Variants in BEAN1 observed in about 807,000 individuals in gnomAD.
BEAN1 encodes the protein protein BEAN1.
BEAN1 carries 17 observed loss-of-function variants against 17.7 expected under a neutral mutation model. The ratio of observed to expected loss-of-function variants is 0.96; its 90% CI spans 0.66 to 1.44. The LOEUF (loss-of-function observed/expected upper bound fraction) is 1.44. Ranked by LOEUF, BEAN1 falls within the 40% of genes most tolerant of loss-of-function variation. The pLI is 0.00. For missense variants in BEAN1, 359 were observed against 374.1 expected, an observed-to-expected ratio of 0.96 and a Z score of 0.33; for synonymous variants, 142 against 151.8, an observed-to-expected ratio of 0.94 and a Z score of 0.47.
At chr16:66,459,303 C>T (rs1028927537) in intron 2 of BEAN1, among the ~76,000 whole-genome samples, 3 of 152,118 alleles carry the variant, frequency 2.0e-5, no homozygotes, top group African/African-American at 7.2e-5. Flanking sequence ...GGGAAAAGGA[C>T]AATCTCTTTC....
At chr16:66,474,565 GGAGA>G (rs1354289764) in intron 3 of BEAN1, among the ~76,000 whole-genome samples, 187 of 89,316 alleles carry the variant, frequency 2.1e-3, no homozygotes, top group African/African-American at 6.2e-3. Flanking sequence ...AGAGAGGGAG[GGAGA>G]GAGGGAGGGA....
chr16:66,456,381 C>T (rs767677573), intron 2 of BEAN1, among the ~76,000 whole-genome samples: 3 of 152,144 alleles, frequency 2.0e-5, no homozygotes, highest in African/African-American at 4.8e-5. Context: ...ATCCCCTAGC[C>T]GGTAGGTGGG....
chr16:66,482,899 T>A (rs1964029257), downstream of BEAN1: 1 of 456,266 alleles, frequency 2.2e-6, no homozygotes, highest in East Asian at 6.9e-5. Flanking sequence ...CTCAGTCGCC[T>A]ACGCTGGAGT....
At chr16:66,437,070 A>T (rs189871587) in intron 1 of BEAN1, among the ~76,000 whole-genome samples, 1 of 152,034 alleles carries the variant, frequency 6.6e-6, no homozygotes, top group African/African-American at 2.4e-5. Flanking sequence ...TAAAATGGGG[A>T]TGAAAAGAGC....
chr16:66,480,089 C>T (rs1001005451), intron 4 of BEAN1, among the ~76,000 whole-genome samples: 1 of 152,112 alleles, frequency 6.6e-6, no homozygotes, highest in Non-Finnish European at 1.5e-5. Context: ...CCCAGGGGCT[C>T]GAGCAGGGGT....
At chr16:66,495,188 C>T (rs1049060492), downstream of BEAN1, among the ~76,000 whole-genome samples, 2 of 152,210 alleles carry the variant, frequency 1.3e-5, no homozygotes, top group African/African-American at 4.8e-5. Context: ...AGTCCTAAAA[C>T]AGCCCCTACA....
intron 1 of BEAN1, among the ~76,000 whole-genome samples, chr16:66,430,859 C>T (rs965139593): frequency 6.6e-6 from 1 of 152,218 alleles, no homozygotes; most frequent in East Asian, 1.9e-4. Context: ...TAGTACCCAG[C>T]ACTTATTGTG....
At chr16:66,441,814 C>T (rs1962269579) in intron 2 of BEAN1, among the ~76,000 whole-genome samples, 1 of 152,178 alleles carries the variant, frequency 6.6e-6, no homozygotes, top group Admixed American at 6.5e-5. Flanking sequence ...CCATCAGCCC[C>T]TCAGGAGTCC....
intron 2 of BEAN1, among the ~76,000 whole-genome samples, chr16:66,452,365 G>C (rs1962702659): frequency 6.6e-6 from 1 of 152,194 alleles, no homozygotes; most frequent in Non-Finnish European, 1.5e-5. Flanking sequence ...GGAAATGAAG[G>C]AATCTCTGAG....
At chr16:66,464,106 T>C (rs551953736) in intron 2 of BEAN1, among the ~76,000 whole-genome samples, 1 of 152,292 alleles carries the variant, frequency 6.6e-6, no homozygotes, top group South Asian at 2.1e-4. Flanking sequence ...TTAGCTACGT[T>C]TGGTCCTTTG....
exon 5 of BEAN1, chr16:66,493,410 A>G (rs1307638618): frequency 1.6e-6 from 1 of 621,076 alleles, no homozygotes; most frequent in East Asian, 2.7e-5. Context: ...ACAGCCCCCA[A>G]CAGCCTCCCC....
rs1596979142 is a variant in BEAN1, at chr16:66,437,485, A to T, written c.-82-110A>T. The T allele has an allele frequency of 4.6e-6, 3 of 650,114 alleles. No individual in the cohort carries two copies. In the South Asian group the frequency reaches 6.1e-5, roughly 13 times the overall value. 40.3% of individuals were successfully genotyped at this position (650,114 alleles called of 1,614,324 possible). A position where few individuals can be genotyped will look rare whatever the true frequency, so the allele number is the denominator to read the frequency against. On this transcript the variant is annotated intron_variant, in intron 1 of 4. Coordinates refer to ENST00000536005, the MANE Select transcript of BEAN1 (RefSeq NM_001178020.3). ...CTAGGCACGTGCTCTCAAAGAAGTG[A>T]CCATCCTCTCCCGCAGAGGTTGACA...
At chr16:66,437,240 T>C (rs1211551664) in intron 1 of BEAN1, among the ~76,000 whole-genome samples, 4 of 152,116 alleles carry the variant, frequency 2.6e-5, no homozygotes, top group Non-Finnish European at 5.9e-5. Context: ...TCCAAGTGGC[T>C]CATGATGCCA....
intron 2 of BEAN1, among the ~76,000 whole-genome samples, chr16:66,446,925 C>T (rs1190180615): frequency 2.6e-5 from 4 of 152,166 alleles, no homozygotes; most frequent in African/African-American, 9.7e-5. Context: ...CCTGGTTGTC[C>T]TCTGCAGGTG....
Position 66,470,095 on chromosome 16 carries a change from C to G in BEAN1, c.289+230C>G. On this transcript the variant is annotated intron_variant, in intron 3 of 4. Transcript: ENST00000536005. ...AGAAACTCAGAGTGAGGCTGAAGGT[C>G]AGAGGGAGAGTGTGTCACTCCTCCC... The G allele has an allele frequency of 4.7e-6, 3 of 637,256 alleles. No homozygotes were observed. The South Asian group carries it at 6.1e-5, about 13-fold the overall frequency. The allele number at this position is 637,256 out of a possible 1,614,324, so 39.5% of individuals were successfully genotyped here.
At chr16:66,477,438 T>C (rs1023626022) in intron 3 of BEAN1, 122 bp from the exon 4 acceptor site, 141 of 1,030,872 alleles carry the variant, frequency 1.4e-4, no homozygotes, top group Non-Finnish European at 1.8e-4. Context: ...CTGTGCTTGG[T>C]GAGGAGAGGA....
Position 66,489,643 on chromosome 16 carries a change from T to G in BEAN1, c.148-3319T>G, listed in dbSNP as rs144611756. On this transcript the variant is annotated intron_variant, in intron 4 of 4. Coordinates refer to the BEAN1 transcript ENST00000561796. ...AGGAATCTACCAAGACAGTTGTGGA[T>G]ACAGAAAGGCAGATTTATTAGAGAA... Among the ~76,000 whole-genome samples, 178 of 152,264 alleles carry G rather than the reference T, an allele frequency of 1.2e-3. 1 individual carries two copies. Among genetic ancestry groups the G allele is most frequent in the African/African-American group, 4.2e-3 (173 of 41,562 alleles).
downstream of BEAN1, among the ~76,000 whole-genome samples, chr16:66,494,531 G>A (rs1437090025): frequency 6.6e-6 from 1 of 152,140 alleles, no homozygotes; most frequent in Admixed American, 6.5e-5. Context: ...CAGTTCAGTT[G>A]TGTGACCCTG....
intron 2 of BEAN1, among the ~76,000 whole-genome samples, chr16:66,457,007 T>C (rs1005975587): frequency 9.2e-5 from 14 of 152,228 alleles, no homozygotes; most frequent in African/African-American, 2.9e-4. Context: ...GGCAGTAAAG[T>C]GCTCTCCTGT....
Sources: allele counts gnomAD v4.1 joint callset (sites outside exome capture counted in the v4.1 genomes callset), GRCh38; gene constraint gnomAD v4.1.1; transcripts MANE v1.5; gene names NCBI Gene and HGNC (gene_info 2026-07-23, HGNC 2026-07-21).